The following DLG2 variants were observed in gnomAD, a reference collection of about 807,000 sequenced individuals.
DLG2 encodes the protein disks large homolog 2.
Under a neutral mutation model 132.5 loss-of-function variants are expected in DLG2, and 45 were observed. The observed-to-expected ratio is 0.34, with a 90% confidence interval of 0.27 to 0.44. DLG2 has a LOEUF of 0.44. DLG2 is among the 20% of genes least tolerant of loss of function. The pLI is 1.00. For missense variants in DLG2, 1,045 were observed against 1,196.9 expected (o/e 0.87, Z 1.87); for synonymous variants, 424 against 419.6 (o/e 1.01, Z -0.13).
rs912206694 is a variant in DLG2 at position 84,574,814 on chromosome 11, T to C, written c.358-40083A>G. ...CTCCTTTGTTGCCTATCTCAGTGAC[T>C]GGAACCACCATCTCCACACTTGCCC... On this transcript the variant is annotated intron_variant, in intron 6 of 27. Coordinates refer to ENST00000376104, the MANE Select transcript of DLG2 (RefSeq NM_001142699.3). Among the ~76,000 whole-genome samples the C allele has an allele frequency of 7.2e-5, 11 of 152,216 alleles. 1 individual carries two copies. Among genetic ancestry groups the C allele is most frequent in the Admixed American group, 4.6e-4 (7 of 15,286 alleles).
At chr11:84,502,202 CCTTCCTTCCTTCCT>C (rs1379033003) in intron 7 of DLG2, among the ~76,000 whole-genome samples, 495 of 24,942 alleles carry the variant, frequency 0.02, 144 homozygotes, top group Admixed American at 0.032. Flanking sequence ...CTCTCTCTCT[CCTTCCTTCCTTCCT>C]TCCTTCCTTC....
At chr11:85,125,806 TACACACAC>T (rs71465021) in intron 5 of DLG2, among the ~76,000 whole-genome samples, 65,854 of 148,458 alleles carry the variant, frequency 0.44, 15,284 homozygotes, top group Middle Eastern at 0.59. Context: ...CCAGACATTA[TACACACAC>T]ACACACACAC....
Position 85,057,122 on chromosome 11 carries a change from G to A in DLG2, c.357+54539C>T, listed in dbSNP as rs192003044. The stretch of plus-strand genomic sequence containing the variant: ...GCTTGTAATACATATATTTTTAAAA[G>A]GAGAATATCTAGAAATCAAAGTTTC... On this transcript the variant is annotated intron_variant, in intron 6 of 27. Transcript: ENST00000376104. Among the ~76,000 whole-genome samples the A allele has an allele frequency of 6.2e-3, 943 of 151,490 alleles. 10 individuals carry two copies. Among genetic ancestry groups the A allele is most frequent in the African/African-American group, 0.021 (878 of 41,394 alleles).
chr11:84,951,302 A>G (rs1407114571), intron 6 of DLG2, among the ~76,000 whole-genome samples: 3 of 152,200 alleles, frequency 2.0e-5, no homozygotes, highest in African/African-American at 7.2e-5. Flanking sequence ...TGAGACATGA[A>G]GTTTTTATAA....
intron 17 of DLG2, among the ~76,000 whole-genome samples, chr11:83,812,327 A>C (rs984853477): frequency 2.0e-5 from 3 of 152,160 alleles, no homozygotes; most frequent in African/African-American, 7.2e-5. Flanking sequence ...GTTTAACAGT[A>C]ATAGATGGGC....
intron 6 of DLG2, among the ~76,000 whole-genome samples, chr11:85,096,658 T>C (rs2069849456): frequency 1.3e-5 from 2 of 152,258 alleles, no homozygotes; most frequent in African/African-American, 4.8e-5. Flanking sequence ...GCAACCCAGA[T>C]GGGACACATT....
chr11:84,873,692 A>C (rs2085860562), intron 6 of DLG2, among the ~76,000 whole-genome samples: 1 of 152,232 alleles, frequency 6.6e-6, no homozygotes, highest in Non-Finnish European at 1.5e-5. Context: ...GCAAAGCTAC[A>C]GCATCCCTGC....
chr11:84,228,281 T>C (rs1234328712), intron 8 of DLG2, among the ~76,000 whole-genome samples: 3 of 152,218 alleles, frequency 2.0e-5, no homozygotes, highest in African/African-American at 7.2e-5. Context: ...GGTCATGGAC[T>C]TACTATGATT....
chr11:84,301,422 C>T (rs182088425), intron 7 of DLG2, among the ~76,000 whole-genome samples: 6 of 152,084 alleles, frequency 3.9e-5, no homozygotes, highest in Admixed American at 1.3e-4. Context: ...CTTTGGGAGG[C>T]CGAGGTGGGT....
intron 9 of DLG2, among the ~76,000 whole-genome samples, chr11:84,107,890 C>T (rs1405041364): frequency 1.3e-5 from 2 of 152,048 alleles, no homozygotes; most frequent in East Asian, 3.9e-4. Context: ...AAGAGAGAGA[C>T]ACTTAGGGAT....
At chr11:83,661,782 C>T (rs1369010299) in intron 18 of DLG2, among the ~76,000 whole-genome samples, 4 of 152,084 alleles carry the variant, frequency 2.6e-5, no homozygotes, top group Non-Finnish European at 2.9e-5. Flanking sequence ...ATCCGCTACA[C>T]CTTACACTTC....
chr11:83,973,263 G>C (rs1197758987), intron 12 of DLG2, among the ~76,000 whole-genome samples: 1 of 151,968 alleles, frequency 6.6e-6, no homozygotes, highest in Non-Finnish European at 1.5e-5. Flanking sequence ...ATTTTAAAAT[G>C]ACAGCAACAT....
chr11:85,020,751 A>C, intron 6 of DLG2: 1 of 664,708 alleles, frequency 1.5e-6, no homozygotes, highest in South Asian at 1.4e-5. Context: ...TAATGGGATA[A>C]GATTTCTAAA....
chr11:84,732,447 C>A (rs542089952), intron 6 of DLG2, among the ~76,000 whole-genome samples: 121 of 152,130 alleles, frequency 8.0e-4, no homozygotes, highest in African/African-American at 2.8e-3. Flanking sequence ...ATCATTTTCA[C>A]TGTAGCCATT....
intron 21 of DLG2, among the ~76,000 whole-genome samples, chr11:83,503,821 A>G (rs1024332031): frequency 6.6e-6 from 1 of 152,040 alleles, no homozygotes; most frequent in Non-Finnish European, 1.5e-5. Flanking sequence ...CTTCCACCCA[A>G]TCAAGTTGAC....
At chr11:84,832,509 A>C (rs1427155410) in intron 6 of DLG2, among the ~76,000 whole-genome samples, 1 of 151,670 alleles carries the variant, frequency 6.6e-6, no homozygotes, top group Non-Finnish European at 1.5e-5. Context: ...AAGCACGGAA[A>C]AGTGCAGAGG....
intron 4 of DLG2, among the ~76,000 whole-genome samples, chr11:85,234,805 T>C (rs974020135): frequency 6.6e-6 from 1 of 151,996 alleles, no homozygotes; most frequent in Non-Finnish European, 1.5e-5. Context: ...CTACAGCCAC[T>C]GATAAAATAA....
At chr11:85,331,308 A>G (rs542588481) in intron 3 of DLG2, among the ~76,000 whole-genome samples, 77 of 152,318 alleles carry the variant, frequency 5.1e-4, no homozygotes, top group Admixed American at 1.0e-3. Context: ...AGTTCAATAT[A>G]TATACCTCTT....
chr11:84,269,324 C>T (rs919249571), intron 7 of DLG2, among the ~76,000 whole-genome samples: 5 of 152,154 alleles, frequency 3.3e-5, no homozygotes, highest in Non-Finnish European at 5.9e-5. Flanking sequence ...ATTGAATAGA[C>T]GAACACATGG....
Sources: gnomAD v4.1 joint callset for allele counts (sites outside exome capture counted in the v4.1 genomes callset) on GRCh38, gnomAD v4.1.1 for gene constraint, MANE v1.5 for transcripts, NCBI Gene and HGNC (gene_info 2026-07-23, HGNC 2026-07-21) for gene names.